Variants in FHL5 observed in about 807,000 individuals in gnomAD.
FHL5 encodes the protein four and a half LIM domains protein 5.
Under a neutral mutation model 32.0 loss-of-function variants are expected in FHL5, and 33 were observed. The observed-to-expected ratio is 1.03, with a 90% CI of 0.78 to 1.38. The LOEUF (loss-of-function observed/expected upper bound fraction) is 1.38, where lower values mean the gene tolerates loss of function less well. FHL5 is among the 40% of genes most tolerant of loss of function. The probability of loss-of-function intolerance (pLI) is 0.00; values close to 1 mark genes in which losing one functional copy is unlikely to be tolerated. For synonymous variants in FHL5, 114 were observed against 113.6 expected (o/e 1.00, Z -0.02); for missense variants, 336 against 343.9 (o/e 0.98, Z 0.18).
intron 1 of FHL5, among the ~76,000 whole-genome samples, chr6:96,585,846 G>T (rs1770786128): frequency 6.6e-6 from 1 of 152,218 alleles, no homozygotes; most frequent in South Asian, 2.1e-4. Context: ...GAAAGTAAAA[G>T]CCCTCTTTAA....
chr6:96,610,507 A>G, intron 4 of FHL5, 65 bp from the exon 5 acceptor site: 1 of 1,203,894 alleles, frequency 8.3e-7, no homozygotes, highest in Non-Finnish European at 1.2e-6. Context: ...ATCTCAAAAG[A>G]ATCATGAAAT....
At chr6:96,569,661 A>G (rs1770432794) in intron 1 of FHL5, among the ~76,000 whole-genome samples, 1 of 151,890 alleles carries the variant, frequency 6.6e-6, no homozygotes, top group Admixed American at 6.6e-5. Flanking sequence ...AAGTGAAAAT[A>G]ACCTTGTCTC....
chr6:96,586,392 A>T (rs1770797759), intron 1 of FHL5, among the ~76,000 whole-genome samples: 1 of 152,228 alleles, frequency 6.6e-6, no homozygotes. Context: ...CTAATTTGTT[A>T]TAACATGTCT....
chr6:96,599,235 C>T (rs113617834), intron 1 of FHL5, among the ~76,000 whole-genome samples: 83 of 131,974 alleles, frequency 6.3e-4, no homozygotes, highest in Admixed American at 1.6e-3. Context: ...CACTCTTGTT[C>T]CCCAGACTAG....
At position 96,617,240 on chromosome 6, in the gene FHL5, T is replaced by C. The variant is rs925327662; in HGVS notation, c.*1468T>C. Among the ~76,000 whole-genome samples the C allele has an allele frequency of 1.3e-5, 2 of 152,064 alleles. No individual in the cohort carries two copies. Among genetic ancestry groups the C allele is most frequent in the Non-Finnish European group, 2.9e-5 (2 of 68,002 alleles). ...ATCTCTTGGATGGAGTAGAGGGAGGTCAGGAGAAGAAGCCCACATAGATAT... is the reference window on the plus strand; with the variant it reads ...ATCTCTTGGATGGAGTAGAGGGAGGCCAGGAGAAGAAGCCCACATAGATAT... On this transcript the variant is annotated 3_prime_UTR_variant, in exon 6 of 6. Transcript: ENST00000450218.
intron 1 of FHL5, among the ~76,000 whole-genome samples, chr6:96,564,479 A>C (rs1425368016): frequency 6.6e-6 from 1 of 152,186 alleles, no homozygotes; most frequent in Non-Finnish European, 1.5e-5. Flanking sequence ...CCTAAGCAAG[A>C]GTAGTAGATT....
At chr6:96,584,786 A>G (rs948614606) in intron 1 of FHL5, among the ~76,000 whole-genome samples, 1 of 152,134 alleles carries the variant, frequency 6.6e-6, no homozygotes, top group African/African-American at 2.4e-5. Context: ...TTTCAGTTCA[A>G]TGTAAGCCAA....
At chr6:96,564,739 T>A (rs1435779357) in intron 1 of FHL5, among the ~76,000 whole-genome samples, 1 of 152,220 alleles carries the variant, frequency 6.6e-6, no homozygotes, top group Non-Finnish European at 1.5e-5. Flanking sequence ...GAAAGCTGAA[T>A]ACTTGGGTTC....
intron 1 of FHL5, among the ~76,000 whole-genome samples, chr6:96,592,238 C>T (rs1051787398): frequency 1.6e-4 from 24 of 152,066 alleles, no homozygotes; most frequent in Non-Finnish European, 2.5e-4. Context: ...ATGGCCACAC[C>T]CAAGGGGGCC....
chr6:96,598,429 A>G (rs1014076869), intron 1 of FHL5, among the ~76,000 whole-genome samples: 1 of 152,214 alleles, frequency 6.6e-6, no homozygotes, highest in Admixed American at 6.5e-5. Flanking sequence ...GAAGGATAAA[A>G]CCAAGTTTGG....
intron 1 of FHL5, among the ~76,000 whole-genome samples, chr6:96,582,239 G>A (rs1428249836): frequency 1.3e-5 from 2 of 152,080 alleles, no homozygotes; most frequent in African/African-American, 2.4e-5. Context: ...AAGACTAATG[G>A]TAGATTTAAA....
At chr6:96,602,426 C>CTTTTTTTTTCT (rs1771169863) in intron 1 of FHL5, among the ~76,000 whole-genome samples, 1 of 33,684 alleles carries the variant, frequency 3.0e-5, no homozygotes, top group Non-Finnish European at 6.5e-5. Flanking sequence ...TGCGTTGTTT[C>CTTTTTTTTTCT]TTTTTTTTTT....
chr6:96,602,793 C>T (rs1461161507), intron 1 of FHL5, among the ~76,000 whole-genome samples: 1 of 152,136 alleles, frequency 6.6e-6, no homozygotes, highest in Non-Finnish European at 1.5e-5. Flanking sequence ...TACTTTGGCC[C>T]TAAAGCCTGA....
chr6:96,595,748 T>TA lies in FHL5; in HGVS notation c.-12-7853dup, dbSNP rs1424832597. ...TGTTTTAATTTTAATGATAAGTTTT[T>TA]ATCTCTTTTATTTCTATCAGTTCTG... On this transcript the variant is annotated intron_variant, in intron 1 of 5. Coordinates refer to ENST00000450218, the MANE Select transcript of FHL5 (RefSeq NM_001322466.2). Among the ~76,000 whole-genome samples the TA allele has an allele frequency of 9.2e-5, 14 of 152,114 alleles. No homozygotes were observed. The East Asian group carries it at 2.7e-3, about 29-fold the overall frequency.
At chr6:96,611,608 T>C (rs1213545044) in intron 5 of FHL5, among the ~76,000 whole-genome samples, 1 of 152,232 alleles carries the variant, frequency 6.6e-6, no homozygotes, top group Admixed American at 6.5e-5. Flanking sequence ...CCTAGTATTC[T>C]TAGAACATAT....
chr6:96,606,028 G>C lies in FHL5; in HGVS notation c.461G>C (p.Cys154Ser). Reference sequence around the variant, plus strand: ...GAGAGTGGCAATTATTGTGTGCCATGTTTTGAGAAGGAGTTTGCTCACTAC... The same window carrying C: ...GAGAGTGGCAATTATTGTGTGCCATCTTTTGAGAAGGAGTTTGCTCACTAC... ...SKESGNYCVPCFEKEFAHYCN... is the reference protein window; with the variant it reads ...SKESGNYCVPSFEKEFAHYCN... The change falls in exon 4 of 6, where the codon TGT (cysteine) becomes TCT (serine). Residue 154 changes from cysteine to serine, a missense_variant. Cys to Ser is a moderately radical substitution (Grantham distance 112, BLOSUM62 -1). Coordinates refer to ENST00000450218, the MANE Select transcript of FHL5 (RefSeq NM_001322466.2). 6.2e-7 allele frequency: 1 copy of C among 1,614,112 alleles called. No homozygotes were observed. The highest frequency in any genetic ancestry group is 8.5e-7 in the Non-Finnish European group (1 of 1,179,984).
intron 1 of FHL5, among the ~76,000 whole-genome samples, chr6:96,600,288 G>C (rs1405648045): frequency 1.3e-5 from 2 of 152,066 alleles, no homozygotes; most frequent in Admixed American, 6.5e-5. Flanking sequence ...AACAGAAAAA[G>C]CTTTAAAGTT....
At chr6:96,607,966 T>C (rs1044842473) in intron 4 of FHL5, among the ~76,000 whole-genome samples, 1 of 152,178 alleles carries the variant, frequency 6.6e-6, no homozygotes, top group African/African-American at 2.4e-5. Context: ...TACTCCAGCC[T>C]GGGTGACAAT....
At chr6:96,583,575 G>A (rs1202599599) in intron 1 of FHL5, among the ~76,000 whole-genome samples, 5 of 152,098 alleles carry the variant, frequency 3.3e-5, no homozygotes, top group Admixed American at 1.3e-4. Context: ...GTATCTGATC[G>A]AACAGTTTAA....
Sources: allele counts gnomAD v4.1 joint callset (sites outside exome capture counted in the v4.1 genomes callset), GRCh38; gene constraint gnomAD v4.1.1; transcripts MANE v1.5; gene names NCBI Gene and HGNC (gene_info 2026-07-23, HGNC 2026-07-21).